Variants in TXNDC16 observed in about 807,000 individuals in gnomAD.
TXNDC16 encodes the protein thioredoxin domain-containing protein 16.
TXNDC16 carries 74 observed loss-of-function variants against 85.6 expected under a neutral mutation model. The ratio of observed to expected loss-of-function variants is 0.86; its 90% CI spans 0.72 to 1.05. The LOEUF is 1.05. TXNDC16 is among the 50% of genes least tolerant of loss of function. TXNDC16 has a pLI of 0.00. For synonymous variants in TXNDC16, 335 were observed against 326.5 expected, an observed-to-expected ratio of 1.03 and a Z score of -0.28; for missense variants, 959 against 947.0, an observed-to-expected ratio of 1.01 and a Z score of -0.17.
In TXNDC16 at chr14:52,440,557, T is replaced by A. The variant is rs1199350584; in HGVS notation, c.2003+7A>T. ...TCTTACATATTAAAAAATAAACACA[T>A]ACTTACAGATTTAACCAGCATGGAG... On this transcript the variant is annotated splice_region_variant and intron_variant, in intron 19 of 20. Coordinates refer to ENST00000281741, the MANE Select transcript of TXNDC16 (RefSeq NM_020784.3). 2 of 1,564,904 alleles carry A rather than the reference T, an allele frequency of 1.3e-6. No individual in the cohort carries two copies. The highest frequency in any genetic ancestry group is 2.3e-5 in the East Asian group (1 of 42,974).
intron 7 of TXNDC16, among the ~76,000 whole-genome samples, chr14:52,515,263 A>G (rs538132620): frequency 6.6e-6 from 1 of 152,310 alleles, no homozygotes; most frequent in South Asian, 2.1e-4. Flanking sequence ...GGAAAAGAAT[A>G]TGAATCCACC....
chr14:52,512,140 T>A (rs2036970674), intron 8 of TXNDC16, among the ~76,000 whole-genome samples: 1 of 152,172 alleles, frequency 6.6e-6, no homozygotes, highest in Non-Finnish European at 1.5e-5. Context: ...TCAAATTTAA[T>A]TACCAAGTAA....
intron 18 of TXNDC16, among the ~76,000 whole-genome samples, chr14:52,454,851 G>A (rs1294748933): frequency 1.3e-5 from 2 of 152,036 alleles, no homozygotes; most frequent in African/African-American, 4.8e-5. Context: ...AACATTTGTT[G>A]GATGCTTACC....
intron 14 of TXNDC16, among the ~76,000 whole-genome samples, chr14:52,480,866 T>C (rs547980595): frequency 8.6e-5 from 13 of 151,560 alleles, no homozygotes; most frequent in South Asian, 2.1e-4. Flanking sequence ...CACACGTTTA[T>C]AGCAGCACAA....
chr14:52,452,974 A>G (rs1013595763), intron 18 of TXNDC16, among the ~76,000 whole-genome samples: 1 of 152,208 alleles, frequency 6.6e-6, no homozygotes, highest in Non-Finnish European at 1.5e-5. Context: ...AAGAACTGAT[A>G]CAACTCTGTA....
At chr14:52,493,555 G>A (rs2036462457) in intron 9 of TXNDC16, among the ~76,000 whole-genome samples, 1 of 151,998 alleles carries the variant, frequency 6.6e-6, no homozygotes, top group African/African-American at 2.4e-5. Context: ...GAGAAAAAAG[G>A]TAATAAAATT....
chr14:52,536,166 C>A (rs1023651581), intron 6 of TXNDC16, among the ~76,000 whole-genome samples: 1 of 152,118 alleles, frequency 6.6e-6, no homozygotes, highest in Non-Finnish European at 1.5e-5. Context: ...AAGGGCAGAG[C>A]CCTCAAGAAT....
At chr14:52,460,850 T>C (rs1048515008) in intron 16 of TXNDC16, among the ~76,000 whole-genome samples, 10 of 152,284 alleles carry the variant, frequency 6.6e-5, no homozygotes, top group Middle Eastern at 7.0e-3. Context: ...TAGTATTACA[T>C]GAAATTTATG....
At chr14:52,540,426 A>G (rs990546721) in intron 4 of TXNDC16, among the ~76,000 whole-genome samples, 5 of 152,110 alleles carry the variant, frequency 3.3e-5, no homozygotes, top group Non-Finnish European at 7.4e-5. Context: ...GGAGTTTGAG[A>G]CCAGCCTGAC....
intron 18 of TXNDC16, among the ~76,000 whole-genome samples, chr14:52,446,932 G>C (rs1020277491): frequency 1.2e-4 from 18 of 149,456 alleles, no homozygotes; most frequent in African/African-American, 4.0e-4. Context: ...GGACTTGAGT[G>C]AGACTCCGAG....
intron 6 of TXNDC16, among the ~76,000 whole-genome samples, chr14:52,532,958 A>G (rs1412844782): frequency 2.0e-5 from 3 of 152,206 alleles, no homozygotes; most frequent in Non-Finnish European, 4.4e-5. Flanking sequence ...ATTTTATAAA[A>G]CACTGTATTA....
At chr14:52,528,923 T>C (rs2037405082) in intron 6 of TXNDC16, among the ~76,000 whole-genome samples, 1 of 147,492 alleles carries the variant, frequency 6.8e-6, no homozygotes, top group South Asian at 2.1e-4. Context: ...ATAATACCTA[T>C]TATATATTGT....
At chr14:52,518,810 TTTAA>T (rs374947764) in intron 7 of TXNDC16, among the ~76,000 whole-genome samples, 1 of 152,158 alleles carries the variant, frequency 6.6e-6, no homozygotes, top group Non-Finnish European at 1.5e-5. Context: ...TAATTATTCA[TTTAA>T]TTATTTAATT....
chr14:52,491,069 C>A, intron 9 of TXNDC16, 64 bp from the exon 10 acceptor site: 1 of 1,487,440 alleles, frequency 6.7e-7, no homozygotes, highest in Non-Finnish European at 8.9e-7. Context: ...GATTTAAATT[C>A]TCCTAATTCT....
Position 52,488,459 on chromosome 14 carries a change from G to T in TXNDC16, c.1012C>A (p.His338Asn). The T allele has an allele frequency of 6.2e-7, 1 of 1,605,926 alleles. No homozygotes were observed. The highest frequency in any genetic ancestry group is 8.5e-7 in the Non-Finnish European group (1 of 1,173,682). The change falls in exon 12 of 21, where the codon CAT becomes AAT. Residue 338 changes from histidine to asparagine, a missense_variant. Physicochemically the swap from His to Asn is moderately conservative, Grantham distance 68. Coordinates refer to ENST00000281741, the MANE Select transcript of TXNDC16 (RefSeq NM_020784.3). ...TGAGATATTATTAAATCAACATCAT[G>T]TAATACCAAAAATTCCACTGGAACT... ...EGVPVEFLVL[H>N]DVDLIISHVE...
In TXNDC16 at chr14:52,526,288, G is replaced by A. The variant is rs547801400; in HGVS notation, c.393-6995C>T. Among the ~76,000 whole-genome samples, 13 of 152,076 alleles carry A rather than the reference G, an allele frequency of 8.5e-5. No homozygotes were observed. The South Asian group carries it at 2.7e-3, about 32-fold the overall frequency. ...TTACAAAGTGGTAATACTTTTACAGGGTTCAAAACACAAAAGGTACCAAAA... is the reference window on the plus strand; with the variant it reads ...TTACAAAGTGGTAATACTTTTACAGAGTTCAAAACACAAAAGGTACCAAAA... On this transcript the variant is annotated intron_variant, in intron 6 of 20. Coordinates refer to ENST00000281741, the MANE Select transcript of TXNDC16 (RefSeq NM_020784.3).
rs35969095 is a variant in TXNDC16, at chr14:52,470,205, AT to A, written c.1482-33del. On this transcript the variant is annotated intron_variant, in intron 15 of 20. Coordinates refer to ENST00000281741, the MANE Select transcript of TXNDC16 (RefSeq NM_020784.3). The stretch of plus-strand genomic sequence containing the variant: ...AAACATATAACTATATTACAAATTA[AT>A]TTTTTAAGATATTTTCAGTTTGTAA... 5.4e-6 allele frequency: 8 copies of A among 1,486,336 alleles called. No individual in the cohort carries two copies. The South Asian group carries it at 9.4e-5, about 17-fold the overall frequency. The allele number at this position is 1,486,336 out of a possible 1,614,324, so 92.1% of individuals were successfully genotyped here. A position where few individuals can be genotyped will look rare whatever the true frequency, so the allele number is the denominator to read the frequency against.
rs964264733 is a variant in TXNDC16 at position 52,484,323 on chromosome 14, TAAAA to T, written c.1109-1362_1109-1359del. 2.0e-4 allele frequency among the ~76,000 whole-genome samples: 30 copies of T among 152,148 alleles called. 1 individual carries two copies. The highest frequency in any genetic ancestry group is 6.7e-4 in the African/African-American group (28 of 41,504). On this transcript the variant is annotated intron_variant, in intron 12 of 20. Transcript: ENST00000281741. ...TTCGTAATTCTCTGTAACAACACAT[TAAAA>T]AGAAAGAAGGGAGAGAGAAGACAAT... is the stretch of plus-strand genomic sequence containing the variant.
In TXNDC16 at chr14:52,542,372, T is replaced by G. The variant is rs200617002; in HGVS notation, c.242A>C (p.Lys81Thr). 1.9e-6 allele frequency: 3 copies of G among 1,598,774 alleles called. No homozygotes were observed. In the East Asian group the frequency reaches 6.7e-5, roughly 36 times the overall value. Reference protein sequence around the residue: ...PLQDYGISVAKVNCVKEEISR... With the variant: ...PLQDYGISVATVNCVKEEISR... ...TTAGTAACATAAATATCTTTCTACCTTGGCAACTGAAATTCCATAGTCCTG... is the reference window on the plus strand; with the variant it reads ...TTAGTAACATAAATATCTTTCTACCGTGGCAACTGAAATTCCATAGTCCTG... Residue 81 changes from lysine (K) to threonine (T), a missense_variant and splice_region_variant, in exon 4 of 21, where the codon AAG (lysine) becomes ACG (threonine). Coordinates refer to ENST00000281741, the MANE Select transcript of TXNDC16 (RefSeq NM_020784.3).
Sources: allele counts gnomAD v4.1 joint callset (sites outside exome capture counted in the v4.1 genomes callset), GRCh38; gene constraint gnomAD v4.1.1; transcripts MANE v1.5; gene names NCBI Gene and HGNC (gene_info 2026-07-23, HGNC 2026-07-21).